TMC1: variants seen among roughly 807,000 people sequenced by gnomAD.
TMC1 encodes the protein transmembrane channel like 1, also known as transmembrane channel-like protein 1.
In TMC1, 84 loss-of-function variants were observed where a neutral mutation model predicts 105.8. The observed-to-expected ratio is 0.79, with a 90% confidence interval of 0.67 to 0.95. TMC1 has a LOEUF of 0.95. Among genes scored for constraint, TMC1 ranks in the 40% least tolerant of loss-of-function variants. The pLI is 0.00. For synonymous variants in TMC1, 315 were observed against 311.5 expected (o/e 1.01, Z -0.12); for missense variants, 817 against 914.1 (o/e 0.89, Z 1.37).
chr9:72,559,557 C>T (rs1380994647), intron 1 of TMC1, among the ~76,000 whole-genome samples: 1 of 152,096 alleles, frequency 6.6e-6, no homozygotes, highest in Non-Finnish European at 1.5e-5. Context: ...TGTTTCTCAT[C>T]GGAGCTGTAG....
chr9:72,640,693 C>T (rs1202192093), intron 4 of TMC1, among the ~76,000 whole-genome samples: 3 of 150,786 alleles, frequency 2.0e-5, no homozygotes, highest in Non-Finnish European at 3.0e-5. Flanking sequence ...AGTGCAGTGG[C>T]GCGACCTCGG....
chr9:72,545,137 T>TATAC (rs1381058997), intron 1 of TMC1, among the ~76,000 whole-genome samples: 49 of 148,168 alleles, frequency 3.3e-4, no homozygotes, highest in South Asian at 1.3e-3. Flanking sequence ...GATATATATA[T>TATAC]ACACACACAC....
At chr9:72,824,146 C>T (rs1588102715) in intron 20 of TMC1, among the ~76,000 whole-genome samples, 1 of 152,234 alleles carries the variant, frequency 6.6e-6, no homozygotes, top group Non-Finnish European at 1.5e-5. Context: ...GGAGCAAGCT[C>T]CATGTGGGGC....
Position 72,836,366 on chromosome 9 carries a change from C to A in TMC1, c.*393C>A, listed in dbSNP as rs536859843. ...TTTCTTTTGCCTGAGTTTCCTTAAA[C>A]TGAGAGCAGAAATATTTCACCCTTT... On this transcript the variant is annotated 3_prime_UTR_variant, in exon 24 of 24. Transcript: ENST00000297784. The A allele has an allele frequency of 2.0e-5, 4 of 199,046 alleles. No homozygotes were observed. The highest frequency in any genetic ancestry group is 9.4e-5 in the African/African-American group (4 of 42,712). The allele number at this position is 199,046 out of a possible 1,614,324, so 12.3% of individuals were successfully genotyped here.
At chr9:72,717,306 T>C (rs889967242) in intron 8 of TMC1, among the ~76,000 whole-genome samples, 1 of 152,240 alleles carries the variant, frequency 6.6e-6, no homozygotes, top group Non-Finnish European at 1.5e-5. Context: ...AGTATTGAGA[T>C]GTGAGGTACT....
chr9:72,764,745 ATTT>A (rs200244945), intron 12 of TMC1, among the ~76,000 whole-genome samples: 6 of 151,760 alleles, frequency 4.0e-5, no homozygotes, highest in African/African-American at 1.5e-4. Context: ...ACCAGAAGCA[ATTT>A]TTTTTTGTTC....
intron 19 of TMC1, among the ~76,000 whole-genome samples, chr9:72,819,915 G>C (rs985627471): frequency 3.3e-5 from 5 of 152,070 alleles, no homozygotes; most frequent in African/African-American, 1.2e-4. Flanking sequence ...GATTTATGGT[G>C]CTAATGAATT....
At chr9:72,778,681 A>G (rs1828042468) in intron 13 of TMC1, among the ~76,000 whole-genome samples, 1 of 152,134 alleles carries the variant, frequency 6.6e-6, no homozygotes, top group Non-Finnish European at 1.5e-5. Flanking sequence ...TGTCAGACCA[A>G]TACAGAGCAG....
intron 13 of TMC1, among the ~76,000 whole-genome samples, chr9:72,773,888 A>T (rs1203738611): frequency 6.6e-6 from 1 of 152,190 alleles, no homozygotes; most frequent in Non-Finnish European, 1.5e-5. Flanking sequence ...TCATTAACAG[A>T]TGGCTCAACT....
At chr9:72,810,269 G>A (rs192978942) in intron 18 of TMC1, among the ~76,000 whole-genome samples, 184 of 152,170 alleles carry the variant, frequency 1.2e-3, no homozygotes, top group Admixed American at 2.6e-3. Context: ...ATGAAGGGAA[G>A]GACAACCTGA....
At chr9:72,523,247 G>T (rs953787844) in intron 1 of TMC1, among the ~76,000 whole-genome samples, 1 of 152,018 alleles carries the variant, frequency 6.6e-6, no homozygotes, top group African/African-American at 2.4e-5. Context: ...AAGGAGAAGG[G>T]ATAAGGAAGA....
intron 2 of TMC1, among the ~76,000 whole-genome samples, chr9:72,606,478 G>T (rs1824914668): frequency 6.6e-6 from 1 of 152,188 alleles, no homozygotes. Context: ...GGGGTCATTG[G>T]TGGTCATCTT....
At chr9:72,783,228 G>A (rs182545576) in intron 13 of TMC1, among the ~76,000 whole-genome samples, 14 of 152,192 alleles carry the variant, frequency 9.2e-5, no homozygotes, top group African/African-American at 2.4e-4. Flanking sequence ...GTGTTAGGCC[G>A]TCTGCAAGCT....
Position 72,683,595 on chromosome 9 carries a change from G to A in TMC1, c.17-5114G>A, listed in dbSNP as rs545552533. Among the ~76,000 whole-genome samples the A allele has an allele frequency of 2.5e-4, 38 of 149,546 alleles. No homozygotes were observed. The South Asian group carries it at 6.2e-3, about 24-fold the overall frequency. ...CCTTTTCTCTCTTTTTTTCCCCCTT[G>A]AGAAGAGAGATTTCACATTTTTGTT... On this transcript the variant is annotated intron_variant, in intron 5 of 23. Transcript: ENST00000297784.
intron 10 of TMC1, among the ~76,000 whole-genome samples, chr9:72,744,181 C>G (rs912166852): frequency 6.6e-6 from 1 of 152,202 alleles, no homozygotes; most frequent in Non-Finnish European, 1.5e-5. Context: ...TCCACACATT[C>G]CCAGTGCCAT....
intron 20 of TMC1, among the ~76,000 whole-genome samples, chr9:72,826,027 A>G (rs1828947561): frequency 6.6e-6 from 1 of 152,230 alleles, no homozygotes; most frequent in Non-Finnish European, 1.5e-5. Context: ...CAAAAGCAAA[A>G]CTAAACATTG....
At chr9:72,756,372 T>C (rs935661547) in intron 12 of TMC1, among the ~76,000 whole-genome samples, 1 of 152,200 alleles carries the variant, frequency 6.6e-6, no homozygotes, top group Admixed American at 6.5e-5. Flanking sequence ...TCTTATTTCT[T>C]CTTAGGCGGG....
intron 3 of TMC1, among the ~76,000 whole-genome samples, chr9:72,623,165 T>G (rs1031313506): frequency 4.1e-5 from 6 of 146,990 alleles, no homozygotes; most frequent in African/African-American, 1.5e-4. Flanking sequence ...TTTTTTTCTT[T>G]TTTTTTTTTT....
At chr9:72,729,333 T>C (rs894506392) in intron 8 of TMC1, among the ~76,000 whole-genome samples, 3 of 152,114 alleles carry the variant, frequency 2.0e-5, no homozygotes, top group African/African-American at 7.2e-5. Flanking sequence ...CAAAAGGAAC[T>C]ATACCAAAAT....
Sources: gnomAD v4.1 joint callset for allele counts (sites outside exome capture counted in the v4.1 genomes callset) on GRCh38, gnomAD v4.1.1 for gene constraint, MANE v1.5 for transcripts, NCBI Gene and HGNC (gene_info 2026-07-23, HGNC 2026-07-21) for gene names.